Variants in LRRC4C observed in about 807,000 individuals in gnomAD.
LRRC4C encodes the protein leucine rich repeat containing 4C.
In LRRC4C, 5 loss-of-function variants were observed where a neutral mutation model predicts 33.6. The ratio of observed to expected loss-of-function variants is 0.15; its 90% CI spans 0.08 to 0.31. LRRC4C has a LOEUF of 0.31. Among genes scored for constraint, LRRC4C ranks in the 10% least tolerant of loss-of-function variants. LRRC4C has a pLI of 1.00. For missense variants in LRRC4C, 560 were observed against 796.7 expected (o/e 0.70, Z 3.58); for synonymous variants, 329 against 302.0 (o/e 1.09, Z -0.93).
chr11:40,739,888 T>C (rs4598661), intron 2 of LRRC4C, among the ~76,000 whole-genome samples: 59,600 of 151,752 alleles, frequency 0.39, 12,309 homozygotes, highest in Middle Eastern at 0.47. Context: ...AAGACTAATA[T>C]GATATGTATG....
chr11:40,254,032 A>G (rs1867003283), intron 4 of LRRC4C, among the ~76,000 whole-genome samples: 3 of 152,122 alleles, frequency 2.0e-5, no homozygotes, highest in Admixed American at 2.0e-4. Context: ...TTATATTTAA[A>G]GTAGATAGTG....
intron 2 of LRRC4C, among the ~76,000 whole-genome samples, chr11:40,668,453 C>T (rs1208727719): frequency 1.3e-5 from 2 of 152,108 alleles, no homozygotes; most frequent in African/African-American, 2.4e-5. Context: ...TTTAAATGGT[C>T]TACACACAAA....
intron 1 of LRRC4C, among the ~76,000 whole-genome samples, chr11:41,170,011 A>G (rs1361828344): frequency 2.0e-5 from 3 of 152,130 alleles, no homozygotes; most frequent in Non-Finnish European, 4.4e-5. Flanking sequence ...AAGGGGTATA[A>G]TTGTTGAAAC....
At chr11:40,243,179 C>A (rs770116235) in intron 4 of LRRC4C, among the ~76,000 whole-genome samples, 30 of 151,988 alleles carry the variant, frequency 2.0e-4, no homozygotes, top group Non-Finnish European at 4.1e-4. Context: ...AGCAAGATAC[C>A]CTTTTAAGTT....
At chr11:40,701,105 T>C (rs1268874494) in intron 2 of LRRC4C, among the ~76,000 whole-genome samples, 1 of 152,164 alleles carries the variant, frequency 6.6e-6, no homozygotes, top group Non-Finnish European at 1.5e-5. Flanking sequence ...AAGATTAAAC[T>C]TGTCCCTGTG....
chr11:41,195,444 G>A (rs761638191), intron 1 of LRRC4C, among the ~76,000 whole-genome samples: 15 of 151,992 alleles, frequency 9.9e-5, no homozygotes, highest in Non-Finnish European at 1.8e-4. Flanking sequence ...TGTCAAACTG[G>A]AATGTTTCAG....
chr11:40,839,303 C>T (rs1952813006), intron 2 of LRRC4C, among the ~76,000 whole-genome samples: 1 of 152,060 alleles, frequency 6.6e-6, no homozygotes, highest in Non-Finnish European at 1.5e-5. Context: ...GGCACAATCT[C>T]GGCTTACTGC....
At chr11:41,043,921 C>A (rs1273007079) in intron 1 of LRRC4C, among the ~76,000 whole-genome samples, 3 of 152,052 alleles carry the variant, frequency 2.0e-5, no homozygotes, top group Non-Finnish European at 4.4e-5. Flanking sequence ...ATTATAATCT[C>A]TATTTGATGG....
intron 3 of LRRC4C, among the ~76,000 whole-genome samples, chr11:40,359,668 C>T (rs184952489): frequency 4.3e-4 from 66 of 152,268 alleles, no homozygotes; most frequent in South Asian, 1.4e-3. Context: ...TTCAAAATCT[C>T]CTGGATTCCC....
intron 2 of LRRC4C, among the ~76,000 whole-genome samples, chr11:40,685,006 A>C (rs1944888590): frequency 6.6e-6 from 1 of 152,090 alleles, no homozygotes; most frequent in South Asian, 2.1e-4. Flanking sequence ...AAAAATATGA[A>C]TAGTAGGTAT....
chr11:41,210,195 T>C (rs559367503), intron 1 of LRRC4C, among the ~76,000 whole-genome samples: 13 of 152,298 alleles, frequency 8.5e-5, no homozygotes, highest in Middle Eastern at 3.4e-3. Flanking sequence ...CACCAACCCA[T>C]AGTACCATTA....
At chr11:40,257,178 C>T (rs1053195919) in intron 4 of LRRC4C, among the ~76,000 whole-genome samples, 1 of 152,168 alleles carries the variant, frequency 6.6e-6, no homozygotes, top group African/African-American at 2.4e-5. Flanking sequence ...GATGCTAATG[C>T]TTGGCCCAGT....
At chr11:41,459,355 A>G (rs1956266854) in intron 1 of LRRC4C, 76 bp downstream of exon 1, 2 of 152,086 alleles carry the variant, frequency 1.3e-5, no homozygotes, top group East Asian at 1.9e-4. Context: ...CTGCATATAC[A>G]TTTCCGAAAA....
chr11:40,810,792 C>T lies in LRRC4C; in HGVS notation c.-407+122843G>A, dbSNP rs114152891. Among the ~76,000 whole-genome samples, 1,244 of 152,248 alleles carry T rather than the reference C, an allele frequency of 8.2e-3. 20 individuals carry two copies. The highest frequency in any genetic ancestry group is 0.028 in the African/African-American group (1,177 of 41,550). On this transcript the variant is annotated intron_variant, in intron 2 of 6. Transcript: ENST00000528697. ...TGCCCAAAATATATCCACCAACTTT[C>T]GTCAATTCCATTGTCACAATTGTTG...
At chr11:40,319,167 T>C (rs1446418639) in intron 4 of LRRC4C, among the ~76,000 whole-genome samples, 1 of 152,204 alleles carries the variant, frequency 6.6e-6, no homozygotes, top group Non-Finnish European at 1.5e-5. Context: ...AGCTCTTCTG[T>C]CCTCTATTTA....
At chr11:40,663,180 A>G (rs1943540000) in intron 2 of LRRC4C, among the ~76,000 whole-genome samples, 1 of 152,162 alleles carries the variant, frequency 6.6e-6, no homozygotes, top group Non-Finnish European at 1.5e-5. Context: ...TCCCAGGTTC[A>G]AGTGCTTCTC....
At chr11:40,187,151 G>GGGGGAAGCCT (rs1412096207) in intron 5 of LRRC4C, among the ~76,000 whole-genome samples, 3 of 152,148 alleles carry the variant, frequency 2.0e-5, no homozygotes, top group African/African-American at 7.2e-5. Context: ...TGGGGGTGGT[G>GGGGGAAGCCT]GGGGAAGCCT....
At chr11:41,330,578 C>T (rs1307484113) in intron 1 of LRRC4C, among the ~76,000 whole-genome samples, 1 of 151,954 alleles carries the variant, frequency 6.6e-6, no homozygotes, top group Non-Finnish European at 1.5e-5. Context: ...ATTGTTTTTT[C>T]TTCTTCCTTT....
At chr11:41,316,354 C>A (rs1408189388) in intron 1 of LRRC4C, among the ~76,000 whole-genome samples, 1 of 150,378 alleles carries the variant, frequency 6.6e-6, no homozygotes, top group Non-Finnish European at 1.5e-5. Context: ...ACACATGAAG[C>A]CTACCCTATC....
Sources: allele counts gnomAD v4.1 joint callset (sites outside exome capture counted in the v4.1 genomes callset), GRCh38; gene constraint gnomAD v4.1.1; transcripts MANE v1.5; gene names NCBI Gene and HGNC (gene_info 2026-07-23, HGNC 2026-07-21).